CTNNA1: variants seen among roughly 807,000 people sequenced by gnomAD.
CTNNA1 encodes catenin alpha 1, also known as catenin alpha-1.
Under a neutral mutation model 98.4 loss-of-function variants are expected in CTNNA1, and 37 were observed. The ratio of observed to expected loss-of-function variants is 0.38; its 90% confidence interval spans 0.29 to 0.49. CTNNA1 has a LOEUF of 0.49. CTNNA1 is among the 20% of genes least tolerant of loss of function. The pLI, the probability that CTNNA1 is intolerant of heterozygous loss-of-function variation, is 0.95. For missense variants in CTNNA1, 761 were observed against 1,147.2 expected (o/e 0.66, Z 4.86); for synonymous variants, 404 against 413.2 (o/e 0.98, Z 0.27).
At chr5:138,910,893 G>T (rs1329840217) in intron 10 of CTNNA1, among the ~76,000 whole-genome samples, 1 of 152,174 alleles carries the variant, frequency 6.6e-6, no homozygotes, top group East Asian at 1.9e-4. Context: ...TTTGAGATGG[G>T]AAACCATTGA....
intron 7 of CTNNA1, among the ~76,000 whole-genome samples, chr5:138,860,720 C>T (rs1465991868): frequency 1.3e-5 from 2 of 151,796 alleles, no homozygotes; most frequent in Non-Finnish European, 2.9e-5. Flanking sequence ...GGTCTGGGCA[C>T]CTGACCTCAG....
chr5:138,880,677 A>T (rs557413781), intron 7 of CTNNA1: 1 of 178,608 alleles, frequency 5.6e-6, no homozygotes, highest in Admixed American at 5.7e-5. Flanking sequence ...TCTTACCTAC[A>T]TAGATGGCCC....
chr5:138,876,498 G>A (rs1467462163), intron 7 of CTNNA1, among the ~76,000 whole-genome samples: 3 of 152,300 alleles, frequency 2.0e-5, no homozygotes, highest in East Asian at 1.9e-4. Context: ...TGCAAAAGAT[G>A]TTTCTAGATG....
chr5:138,905,081 A>G (rs1161540483), intron 10 of CTNNA1, among the ~76,000 whole-genome samples: 3 of 147,712 alleles, frequency 2.0e-5, no homozygotes, highest in Non-Finnish European at 4.5e-5. Flanking sequence ...GCGACAGAGC[A>G]AGACTCCGTC....
chr5:138,877,475 C>CT (rs1442183320), intron 7 of CTNNA1, among the ~76,000 whole-genome samples: 2 of 147,254 alleles, frequency 1.4e-5, no homozygotes, highest in Non-Finnish European at 3.0e-5. Context: ...GAGTCTCGCT[C>CT]TGTCGCCCAG....
intron 6 of CTNNA1, among the ~76,000 whole-genome samples, chr5:138,825,317 G>T (rs1202785750): frequency 6.6e-6 from 1 of 152,018 alleles, no homozygotes; most frequent in African/African-American, 2.4e-5. Context: ...AAGCAAATTT[G>T]GGATTAAAAT....
intron 3 of CTNNA1, among the ~76,000 whole-genome samples, chr5:138,805,737 C>T (rs1460571240): frequency 1.3e-5 from 2 of 151,424 alleles, no homozygotes; most frequent in African/African-American, 4.9e-5. Context: ...AGACACATGC[C>T]ACTGCAGCCA....
At position 138,874,700 on chromosome 5, in the gene CTNNA1, T is replaced by A; in HGVS notation, c.1063-11512T>A. ...TTATTTTTCATTTACTGCAGAAAAA[T>A]TAACCTTATTGGTATGACTGGACCA... On this transcript the variant is annotated intron_variant, in intron 7 of 17. Transcript: ENST00000302763. The surrounding 1 kb of genome is among the most constrained non-coding windows in gnomAD (Gnocchi z 4.1). The A allele has an allele frequency of 1.4e-6, 1 of 739,686 alleles. No homozygotes were observed. The highest frequency in any genetic ancestry group is 2.2e-6 in the Non-Finnish European group (1 of 463,562). 45.8% of individuals were successfully genotyped at this position (739,686 alleles called of 1,614,324 possible). A position where few individuals can be genotyped will look rare whatever the true frequency, so the allele number is the denominator to read the frequency against.
chr5:138,785,405 T>C (rs1755580458), intron 3 of CTNNA1, among the ~76,000 whole-genome samples: 1 of 152,166 alleles, frequency 6.6e-6, no homozygotes, highest in African/African-American at 2.4e-5. Flanking sequence ...AGGACAGTTT[T>C]TGAGCTTGCT....
At chr5:138,911,371 A>G (rs1474769353) in intron 10 of CTNNA1, among the ~76,000 whole-genome samples, 1 of 152,214 alleles carries the variant, frequency 6.6e-6, no homozygotes, top group African/African-American at 2.4e-5. Flanking sequence ...CCAGGAATGT[A>G]TCACCTCACA....
Position 138,791,814 on chromosome 5 carries a change from G to A in CTNNA1, c.301+8442G>A, listed in dbSNP as rs761752170. Among the ~76,000 whole-genome samples, 3 of 141,176 alleles carry A rather than the reference G, an allele frequency of 2.1e-5. No individual in the cohort carries two copies. The Admixed American group carries it at 2.1e-4, about 10-fold the overall frequency. 92.6% of individuals were successfully genotyped at this position (141,176 alleles called of 152,430 possible). On this transcript the variant is annotated intron_variant, in intron 3 of 17. Coordinates refer to ENST00000302763, the MANE Select transcript of CTNNA1 (RefSeq NM_001903.5). Reference sequence around the variant, plus strand: ...TTTTTTTTTTTTTTTTTTTAGAGAGGCAATTACTGTTCATTGTAGCTGTTC... The same window carrying A: ...TTTTTTTTTTTTTTTTTTTAGAGAGACAATTACTGTTCATTGTAGCTGTTC...
intron 1 of CTNNA1, among the ~76,000 whole-genome samples, chr5:138,771,926 T>TAA (rs112812984): frequency 2.7e-5 from 4 of 150,352 alleles, no homozygotes; most frequent in African/African-American, 9.8e-5. Context: ...ACTTTGCTGT[T>TAA]AAAAAAAAAA....
At chr5:138,929,456 T>TTC (rs1416188096) in intron 14 of CTNNA1, 100 bp downstream of exon 14, 8 of 657,218 alleles carry the variant, frequency 1.2e-5, no homozygotes, top group African/African-American at 1.8e-5. Context: ...AGAACACCGT[T>TTC]TCTCTCTCTC....
At chr5:138,797,363 C>T (rs1180372236) in intron 3 of CTNNA1, among the ~76,000 whole-genome samples, 1 of 152,110 alleles carries the variant, frequency 6.6e-6, no homozygotes, top group East Asian at 1.9e-4. Flanking sequence ...GTTTACCATC[C>T]CATCCCTTTC....
At chr5:138,899,384 T>C (rs1267475845) in intron 9 of CTNNA1, among the ~76,000 whole-genome samples, 1 of 152,262 alleles carries the variant, frequency 6.6e-6, no homozygotes, top group African/African-American at 2.4e-5. Flanking sequence ...AAAAGTTTTC[T>C]GAACCATATA....
Position 138,904,462 on chromosome 5 carries a change from G to T in CTNNA1, c.1389+21G>T, listed in dbSNP as rs377189474. On this transcript the variant is annotated intron_variant, in intron 10 of 17. Coordinates refer to ENST00000302763, the MANE Select transcript of CTNNA1 (RefSeq NM_001903.5). ...CTCAGGTAAAGTACAACTGACACTG[G>T]TGACAGCATAACCAAATTAAATTTT... is the stretch of plus-strand genomic sequence containing the variant. 8 of 1,602,352 alleles carry T rather than the reference G, an allele frequency of 5.0e-6. No homozygotes were observed. The African/African-American group carries it at 1.1e-4, about 22-fold the overall frequency.
At chr5:138,844,247 C>T (rs1053812994) in intron 7 of CTNNA1, among the ~76,000 whole-genome samples, 3 of 152,132 alleles carry the variant, frequency 2.0e-5, no homozygotes, top group African/African-American at 4.8e-5. Context: ...CCACCTGCCT[C>T]GGCATGCCCA....
In CTNNA1 at chr5:138,906,959, T is replaced by A. The variant is rs188690758; in HGVS notation, c.1389+2518T>A. On this transcript the variant is annotated intron_variant, in intron 10 of 17. Coordinates refer to ENST00000302763, the MANE Select transcript of CTNNA1 (RefSeq NM_001903.5). ...TGCTTGATTTTCAGTAAGGCAGCTT[T>A]GACTTCACCCCAGCCCCGTTATTGC... 1.5e-3 allele frequency among the ~76,000 whole-genome samples: 236 copies of A among 152,306 alleles called. 2 individuals carry two copies. The highest frequency in any genetic ancestry group is 2.9e-3 in the Non-Finnish European group (198 of 68,014).
chr5:138,868,603 C>CCATG (rs1241979768), intron 7 of CTNNA1, among the ~76,000 whole-genome samples: 1 of 152,200 alleles, frequency 6.6e-6, no homozygotes, highest in Non-Finnish European at 1.5e-5. Context: ...GCAGCCAACT[C>CCATG]CATGCCCTGT....
Sources: gnomAD v4.1 joint callset for allele counts (sites outside exome capture counted in the v4.1 genomes callset) on GRCh38, gnomAD v4.1.1 for gene constraint, Gnocchi (gnomAD v3.1) non-coding constraint, MANE v1.5 for transcripts, NCBI Gene and HGNC (gene_info 2026-07-23, HGNC 2026-07-21) for gene names.